Variants in PTPRN2 observed in about 807,000 individuals in gnomAD.
PTPRN2 encodes the protein protein tyrosine phosphatase receptor type N2.
Under a neutral mutation model 118.8 loss-of-function variants are expected in PTPRN2, and 74 were observed. The observed-to-expected ratio is 0.62, with a 90% CI of 0.52 to 0.76. The LOEUF (loss-of-function observed/expected upper bound fraction) is 0.76. Among genes scored for constraint, PTPRN2 ranks in the 30% least tolerant of loss-of-function variants. PTPRN2 has a pLI of 0.00. For synonymous variants in PTPRN2, 641 were observed against 608.0 expected, an observed-to-expected ratio of 1.05 and a Z score of -0.80; for missense variants, 1,481 against 1,394.4, an observed-to-expected ratio of 1.06 and a Z score of -0.99.
At chr7:158,161,610 T>C (rs1010604684) in intron 6 of PTPRN2, among the ~76,000 whole-genome samples, 3 of 152,168 alleles carry the variant, frequency 2.0e-5, no homozygotes, top group African/African-American at 7.2e-5. Flanking sequence ...CATTATAAAA[T>C]GAAAAACCAT....
chr7:158,131,723 C>T lies in PTPRN2; in HGVS notation c.1556+1954G>A, dbSNP rs1374679353. Among the ~76,000 whole-genome samples the T allele has an allele frequency of 4.2e-5, 5 of 119,134 alleles. 1 individual carries two copies. In the East Asian group the frequency reaches 1.1e-3, roughly 26 times the overall value. 78.2% of individuals were successfully genotyped at this position (119,134 alleles called of 152,430 possible). A position where few individuals can be genotyped will look rare whatever the true frequency, so the allele number is the denominator to read the frequency against. On this transcript the variant is annotated intron_variant, in intron 9 of 22. Coordinates refer to ENST00000389418, the MANE Select transcript of PTPRN2 (RefSeq NM_002847.5). ...ATGCAAATATGCACAGATACACACACATCTACCCAACACACTCATACACAC... is the reference window on the plus strand; with the variant it reads ...ATGCAAATATGCACAGATACACACATATCTACCCAACACACTCATACACAC...
At chr7:157,960,649 T>C (rs1253138921) in intron 11 of PTPRN2, among the ~76,000 whole-genome samples, 1 of 152,266 alleles carries the variant, frequency 6.6e-6, no homozygotes. Context: ...AAAATGATAT[T>C]ACAAATGTTG....
At chr7:157,847,997 C>T (rs1808991763) in intron 12 of PTPRN2, among the ~76,000 whole-genome samples, 1 of 151,622 alleles carries the variant, frequency 6.6e-6, no homozygotes, top group African/African-American at 2.4e-5. Flanking sequence ...TTCATTACAT[C>T]ATGTGTGCCT....
intron 11 of PTPRN2, among the ~76,000 whole-genome samples, chr7:157,979,770 T>C (rs1352889996): frequency 1.3e-5 from 2 of 152,218 alleles, no homozygotes; most frequent in Non-Finnish European, 2.9e-5. Flanking sequence ...CTGGACTTTA[T>C]GACTCGCATC....
intron 2 of PTPRN2, among the ~76,000 whole-genome samples, chr7:158,339,505 T>C (rs1309804743): frequency 1.3e-4 from 1 of 7,568 alleles, no homozygotes; most frequent in Admixed American, 8.2e-4. Context: ...CTCACACCCA[T>C]ACTCTCACCA....
At chr7:158,193,747 A>G (rs1825968107) in intron 4 of PTPRN2, among the ~76,000 whole-genome samples, 1 of 151,936 alleles carries the variant, frequency 6.6e-6, no homozygotes, top group Non-Finnish European at 1.5e-5. Context: ...CACAGCCCCC[A>G]CGGAGGCCTT....
chr7:157,722,657 C>T (rs764583259), intron 12 of PTPRN2, among the ~76,000 whole-genome samples: 5 of 152,132 alleles, frequency 3.3e-5, no homozygotes, highest in African/African-American at 4.8e-5. Context: ...CACTGCCTAT[C>T]GCAGCATCCA....
intron 10 of PTPRN2, 82 bp downstream of exon 10, chr7:158,110,747 G>A: frequency 7.8e-7 from 1 of 1,280,366 alleles, no homozygotes; most frequent in South Asian, 1.3e-5. Flanking sequence ...AAGAGCCATG[G>A]GCTCGCAGCT....
At chr7:157,853,665 A>G (rs1041610316) in intron 12 of PTPRN2, among the ~76,000 whole-genome samples, 1 of 152,124 alleles carries the variant, frequency 6.6e-6, no homozygotes, top group African/African-American at 2.4e-5. Flanking sequence ...GAACTGGTGC[A>G]TCATGTAGAA....
rs545672952 is a variant in PTPRN2, at chr7:158,454,963, G to T, written c.163+34772C>A. 3.9e-4 allele frequency among the ~76,000 whole-genome samples: 60 copies of T among 152,210 alleles called. 3 individuals carry two copies. The South Asian group carries it at 4.4e-3, about 11-fold the overall frequency. Reference sequence around the variant, plus strand: ...AATGTGTTTGTCAGGCTGCCTCCACGCAGCCCACAGGCATGGAGCAAACAC... The same window carrying T: ...AATGTGTTTGTCAGGCTGCCTCCACTCAGCCCACAGGCATGGAGCAAACAC... On this transcript the variant is annotated intron_variant, in intron 2 of 22. Transcript: ENST00000389418.
intron 11 of PTPRN2, among the ~76,000 whole-genome samples, chr7:158,007,063 C>G (rs1017320224): frequency 6.6e-6 from 1 of 152,324 alleles, no homozygotes; most frequent in East Asian, 1.9e-4. Flanking sequence ...GGCGGGCGGC[C>G]GTCTCCTCCT....
At chr7:158,004,533 G>T (rs756520612) in intron 11 of PTPRN2, among the ~76,000 whole-genome samples, 3 of 152,166 alleles carry the variant, frequency 2.0e-5, no homozygotes, top group Non-Finnish European at 2.9e-5. Context: ...TGGGTTTGCT[G>T]CTTGTTTACA....
intron 6 of PTPRN2, among the ~76,000 whole-genome samples, chr7:158,149,851 A>C (rs995761283): frequency 6.6e-6 from 1 of 152,164 alleles, no homozygotes; most frequent in Non-Finnish European, 1.5e-5. Context: ...GAAAAAACAA[A>C]AAAATTACTG....
At chr7:158,104,990 T>C (rs1815556088) in intron 10 of PTPRN2, among the ~76,000 whole-genome samples, 1 of 142,424 alleles carries the variant, frequency 7.0e-6, no homozygotes, top group Non-Finnish European at 1.5e-5. Context: ...CTCAGCTCCA[T>C]CAAACTCCAT....
At chr7:157,688,406 A>C (rs1797298581) in intron 12 of PTPRN2, among the ~76,000 whole-genome samples, 1 of 152,188 alleles carries the variant, frequency 6.6e-6, no homozygotes, top group Admixed American at 6.5e-5. Context: ...CTCCGGTGGG[A>C]GAGAGGGACC....
chr7:157,900,101 G>A (rs1032272555), intron 11 of PTPRN2, among the ~76,000 whole-genome samples: 3 of 152,298 alleles, frequency 2.0e-5, no homozygotes, highest in East Asian at 1.9e-4. Context: ...AACGGTCACC[G>A]ACGTCAGGGT....
chr7:158,332,830 T>C (rs1278541613), intron 2 of PTPRN2, among the ~76,000 whole-genome samples: 1 of 140,426 alleles, frequency 7.1e-6, no homozygotes, highest in African/African-American at 3.1e-5. Context: ...CTTCTCACCA[T>C]AAGAGGTGAC....
intron 11 of PTPRN2, among the ~76,000 whole-genome samples, chr7:157,958,721 A>T (rs969389666): frequency 1.3e-5 from 2 of 152,224 alleles, no homozygotes; most frequent in Non-Finnish European, 2.9e-5. Flanking sequence ...GGACATGTAC[A>T]CTGAAAACTA....
chr7:158,068,575 G>A (rs1051048491), intron 11 of PTPRN2, among the ~76,000 whole-genome samples: 8 of 152,196 alleles, frequency 5.3e-5, no homozygotes, highest in African/African-American at 1.7e-4. Context: ...CACTGGAACC[G>A]GGTGCCTATT....
Sources: allele counts gnomAD v4.1 joint callset (sites outside exome capture counted in the v4.1 genomes callset), GRCh38; gene constraint gnomAD v4.1.1; transcripts MANE v1.5; gene names NCBI Gene and HGNC (gene_info 2026-07-23, HGNC 2026-07-21).